Variants in TCOF1 observed in about 807,000 individuals in gnomAD.
TCOF1 encodes the protein treacle protein.
In TCOF1, 33 loss-of-function variants were observed where a neutral mutation model predicts 149.0. That is an observed-to-expected ratio of 0.22 (90% CI 0.17 to 0.30). The LOEUF (loss-of-function observed/expected upper bound fraction) is 0.30. Ranked by LOEUF, TCOF1 falls within the 10% of genes least tolerant of loss-of-function variation. The pLI is 1.00. For missense variants in TCOF1, 1,728 were observed against 1,840.7 expected (o/e 0.94, Z 1.12); for synonymous variants, 789 against 738.8 (o/e 1.07, Z -1.10).
At position 150,374,738 on chromosome 5, in the gene TCOF1, A is replaced by G; in HGVS notation, c.1205A>G (p.Gln402Arg). The change falls in exon 9 of 27, where the codon CAG becomes CGG. Residue 402 changes from glutamine to arginine, a missense_variant. Around this residue, in one of 2 missense-constraint regions of TCOF1, gnomAD observed 1,696 missense variants for 1,765.4 expected, o/e 0.96. Transcript: ENST00000643257. Reference protein sequence around the residue: ...GKTGPAVAKAQAGKREEDSQS... With the variant: ...GKTGPAVAKARAGKREEDSQS... The stretch of plus-strand genomic sequence containing the variant: ...ACAGGGCCTGCAGTTGCCAAGGCCC[A>G]GGCGGGGAAGCGGGAGGAGGACTCG... The G allele has an allele frequency of 6.2e-7, 1 of 1,612,930 alleles. No homozygotes were observed. The highest frequency in any genetic ancestry group is 8.5e-7 in the Non-Finnish European group (1 of 1,179,728).
At position 150,396,332 on chromosome 5, in the gene TCOF1, A is replaced by G; in HGVS notation, c.3835A>G (p.Lys1279Glu). Reference sequence around the variant, plus strand: ...CACACCTCAGAAGTCCCGGAAGCCCAAGAAAGGGGCTGGGAACCCCCAAGC... The same window carrying G: ...CACACCTCAGAAGTCCCGGAAGCCCGAGAAAGGGGCTGGGAACCCCCAAGC... ...GTTPQKSRKPKKGAGNPQAST... is the reference protein window; with the variant it reads ...GTTPQKSRKPEKGAGNPQAST... The change falls in exon 24 of 27, where the codon AAG (lysine) becomes GAG (glutamate). Residue 1279 changes from lysine to glutamate, a missense_variant. Coordinates refer to ENST00000643257, the MANE Select transcript of TCOF1 (RefSeq NM_001371623.1). 1 of 1,613,958 alleles carries G rather than the reference A, an allele frequency of 6.2e-7. No individual in the cohort carries two copies. The highest frequency in any genetic ancestry group is 8.5e-7 in the Non-Finnish European group (1 of 1,180,046).
At chr5:150,360,169 T>G (rs1759710122) in intron 1 of TCOF1, among the ~76,000 whole-genome samples, 1 of 152,160 alleles carries the variant, frequency 6.6e-6, no homozygotes, top group Non-Finnish European at 1.5e-5. Flanking sequence ...GCAAGGTAGG[T>G]ATCGCTGTTG....
Position 150,367,891 on chromosome 5 carries a change from C to G in TCOF1, c.352C>G (p.Pro118Ala). 6.2e-7 allele frequency: 1 copy of G among 1,614,154 alleles called. No homozygotes were observed. Among genetic ancestry groups the G allele is most frequent in the African/African-American group, 1.3e-5 (1 of 75,042 alleles). The change falls in exon 4 of 27, where the codon CCA (proline) becomes GCA (alanine). Residue 118 changes from proline (P) to alanine (A), a missense_variant. Pro to Ala is a conservative substitution (Grantham distance 27). Transcript: ENST00000643257. The part of the protein sequence containing the change: ...TNSSVLGADL[P>A]SSMKEKAKAE... Reference sequence around the variant, plus strand: ...CTCCTCAGTCCTGGGGGCGGACTTGCCATCAAGCATGAAAGAAAAAGCCAA... The same window carrying G: ...CTCCTCAGTCCTGGGGGCGGACTTGGCATCAAGCATGAAAGAAAAAGCCAA...
At chr5:150,379,500 G>A in intron 16 of TCOF1, 32 bp from the exon 17 acceptor site, 5 of 1,613,276 alleles carry the variant, frequency 3.1e-6, no homozygotes, top group Non-Finnish European at 4.2e-6. Context: ...CACCCTCCAG[G>A]CTCTCTCCTC....
chr5:150,384,464 G>T (rs1362994035), intron 17 of TCOF1: 3 of 985,346 alleles, frequency 3.0e-6, no homozygotes, highest in Admixed American at 6.1e-5. Flanking sequence ...GCCTGGTGCT[G>T]CCCCGACACT....
Position 150,378,889 on chromosome 5 carries a change from C to T in TCOF1, c.2341-16C>T, listed in dbSNP as rs1183923807. 2.5e-5 allele frequency: 40 copies of T among 1,613,892 alleles called. No individual in the cohort carries two copies. Among genetic ancestry groups the T allele is most frequent in the Non-Finnish European group, 3.3e-5 (39 of 1,180,038 alleles). On this transcript the variant is annotated splice_polypyrimidine_tract_variant and intron_variant, in intron 14 of 26. Coordinates refer to ENST00000643257, the MANE Select transcript of TCOF1 (RefSeq NM_001371623.1). ...ATCTCACCTTCTCCCTCCTTAATTC[C>T]CTTTTCTCCACTCAGGTGAAAACCT... is the stretch of plus-strand genomic sequence containing the variant.
rs777627300 is a variant in TCOF1, at chr5:150,375,180, C to T, written c.1488+17C>T. The T allele has an allele frequency of 1.3e-5, 21 of 1,612,786 alleles. No individual in the cohort carries two copies. The highest frequency in any genetic ancestry group is 1.7e-5 in the Non-Finnish European group (20 of 1,179,518). ...GCAGCTCAGGTGAGGCTGGAAGCCG[C>T]CCTGCATGGCCTGTGCCCTGCCTCA... On this transcript the variant is annotated intron_variant, in intron 10 of 26. Coordinates refer to ENST00000643257, the MANE Select transcript of TCOF1 (RefSeq NM_001371623.1).
At chr5:150,382,896 T>C (rs972986887) in intron 17 of TCOF1, among the ~76,000 whole-genome samples, 1 of 152,232 alleles carries the variant, frequency 6.6e-6, no homozygotes, top group Non-Finnish European at 1.5e-5. Context: ...TTCCAGTGGC[T>C]GTGGGGCAGG....
In TCOF1 at chr5:150,375,565, T is replaced by G; in HGVS notation, c.1704+11T>G. 1 of 1,613,808 alleles carries G rather than the reference T, an allele frequency of 6.2e-7. No individual in the cohort carries two copies. Among genetic ancestry groups the G allele is most frequent in the Non-Finnish European group, 8.5e-7 (1 of 1,179,862 alleles). On this transcript the variant is annotated intron_variant, in intron 11 of 26. Transcript: ENST00000643257. Reference sequence around the variant, plus strand: ...GTGGCCCCGGCTCAGGTGAGGCCCCTTCCTGTAAGGCTCTTTCTTTTTCCC... The same window carrying G: ...GTGGCCCCGGCTCAGGTGAGGCCCCGTCCTGTAAGGCTCTTTCTTTTTCCC...
intron 2 of TCOF1, among the ~76,000 whole-genome samples, chr5:150,363,232 G>C (rs1581035151): frequency 6.6e-6 from 1 of 152,216 alleles, no homozygotes. Flanking sequence ...AAAAGAGGCA[G>C]AATAAATTGA....
intron 14 of TCOF1, among the ~76,000 whole-genome samples, chr5:150,377,382 A>G (rs1374354115): frequency 6.6e-6 from 1 of 152,220 alleles, no homozygotes; most frequent in Non-Finnish European, 1.5e-5. Context: ...TGCACACAGC[A>G]AGTTGTCTCT....
chr5:150,373,308 C>T (rs534856940), intron 7 of TCOF1, among the ~76,000 whole-genome samples: 9 of 152,120 alleles, frequency 5.9e-5, no homozygotes, highest in African/African-American at 2.2e-4. Flanking sequence ...CCCAAAGTGC[C>T]GTGATTACAG....
At chr5:150,367,988 T>A in intron 4 of TCOF1, 71 bp downstream of exon 4, 1 of 1,550,922 alleles carries the variant, frequency 6.4e-7, no homozygotes, top group East Asian at 2.3e-5. Flanking sequence ...GTCTTACATG[T>A]CAGAGAAGGA....
intron 17 of TCOF1, among the ~76,000 whole-genome samples, chr5:150,381,797 G>T (rs897462274): frequency 6.6e-6 from 1 of 152,236 alleles, no homozygotes; most frequent in African/African-American, 2.4e-5. Flanking sequence ...GGTTCCAGCT[G>T]CTGAAAAGCT....
chr5:150,376,922 T>C (rs1279942300), intron 14 of TCOF1, among the ~76,000 whole-genome samples: 1 of 152,220 alleles, frequency 6.6e-6, no homozygotes, highest in African/African-American at 2.4e-5. Context: ...GCGCTGTTCC[T>C]CAGGGAAGTC....
intron 11 of TCOF1, 39 bp from the exon 12 acceptor site, chr5:150,375,682 C>G: frequency 6.2e-7 from 1 of 1,613,942 alleles, no homozygotes; most frequent in Non-Finnish European, 8.5e-7. Flanking sequence ...ACACACCTAC[C>G]CTGGGCTCCC....
intron 18 of TCOF1, among the ~76,000 whole-genome samples, chr5:150,389,627 A>T (rs1430876548): frequency 6.6e-6 from 1 of 152,190 alleles, no homozygotes; most frequent in Non-Finnish European, 1.5e-5. Context: ...TGGCAGCCCG[A>T]CCAGTTGGGA....
At position 150,374,661 on chromosome 5, in the gene TCOF1, C is replaced by G. The variant is rs149825269; in HGVS notation, c.1128C>G (p.Ala376=). The change falls in exon 9 of 27, where the codon GCC becomes GCG. Residue 376 remains alanine (A), a synonymous_variant. Coordinates refer to ENST00000643257, the MANE Select transcript of TCOF1 (RefSeq NM_001371623.1). ...GKTSQVGAAS[A]PAKESPRKGA... ...CCTCTCAGGTCGGAGCTGCCTCAGC[C>G]CCTGCCAAGGAGTCCCCCAGGAAAG... is the stretch of plus-strand genomic sequence containing the variant. The G allele has an allele frequency of 1.2e-6, 2 of 1,613,852 alleles. No individual in the cohort carries two copies. The highest frequency in any genetic ancestry group is 3.3e-5 in the Admixed American group (2 of 59,998).
chr5:150,396,352 C>T lies in TCOF1; in HGVS notation c.3855C>T (p.Pro1285=). ...SRKPKKGAGN[P]QASTLALQSN... is the part of the protein sequence containing the mutation. The stretch of plus-strand genomic sequence containing the variant: ...AGCCCAAGAAAGGGGCTGGGAACCC[C>T]CAAGCCTCAACCCTGGCGCTGCAAA... Residue 1285 remains proline, a synonymous_variant, in exon 24 of 27, where the codon CCC becomes CCT. Transcript: ENST00000643257. The T allele has an allele frequency of 5.0e-6, 8 of 1,613,952 alleles. No individual in the cohort carries two copies. Among genetic ancestry groups the T allele is most frequent in the Non-Finnish European group, 6.8e-6 (8 of 1,180,034 alleles).
Sources: gnomAD v4.1 joint callset for allele counts (sites outside exome capture counted in the v4.1 genomes callset) on GRCh38, gnomAD v4.1.1 for gene constraint, gnomAD v4.1.1 regional missense constraint, MANE v1.5 for transcripts, NCBI Gene and HGNC (gene_info 2026-07-23, HGNC 2026-07-21) for gene names.